TAF12: variants seen among roughly 807,000 people sequenced by gnomAD.
TAF12 encodes TATA-box binding protein associated factor 12.
Under a neutral mutation model 20.8 loss-of-function variants are expected in TAF12, and 3 were observed. The ratio of observed to expected loss-of-function variants is 0.14; its 90% CI spans 0.07 to 0.37. The LOEUF (loss-of-function observed/expected upper bound fraction) is 0.37. Ranked by LOEUF, TAF12 falls within the 10% of genes least tolerant of loss-of-function variation. The pLI is 1.00. For synonymous variants in TAF12, 69 were observed against 70.2 expected (o/e 0.98, Z 0.09); for missense variants, 131 against 197.9 (o/e 0.66, Z 2.03).
At chr1:28,610,978 A>C (rs1453982514) in intron 4 of TAF12, among the ~76,000 whole-genome samples, 1 of 92,610 alleles carries the variant, frequency 1.1e-5, no homozygotes. Context: ...AAAAAAAAAA[A>C]AAAAACACAG....
chr1:28,625,700 C>T (rs1338340963), intron 1 of TAF12, among the ~76,000 whole-genome samples: 1 of 152,088 alleles, frequency 6.6e-6, no homozygotes, highest in Admixed American at 6.6e-5. Context: ...CACCACCACG[C>T]CCAGCTATTT....
intron 3 of TAF12, among the ~76,000 whole-genome samples, chr1:28,617,742 C>T (rs772999581): frequency 6.6e-6 from 1 of 152,046 alleles, no homozygotes; most frequent in South Asian, 2.1e-4. Flanking sequence ...TGAGCCACCA[C>T]ACCTGGCACT....
chr1:28,619,224 T>C lies in TAF12; in HGVS notation c.169-1194A>G, dbSNP rs552106336. Reference sequence around the variant, plus strand: ...ACATCTACAAAATGGCTGGGTGCAGTGGCTCATGCCTGTAATCCCAGTACT... The same window carrying C: ...ACATCTACAAAATGGCTGGGTGCAGCGGCTCATGCCTGTAATCCCAGTACT... On this transcript the variant is annotated intron_variant, in intron 2 of 5. Transcript: ENST00000373824. Among the ~76,000 whole-genome samples, 3 of 151,630 alleles carry C rather than the reference T, an allele frequency of 2.0e-5. No homozygotes were observed. The South Asian group carries it at 6.3e-4, about 32-fold the overall frequency.
chr1:28,647,349 A>G (rs1437360619), upstream of TAF12, among the ~76,000 whole-genome samples: 6 of 151,888 alleles, frequency 4.0e-5, no homozygotes, highest in Admixed American at 2.6e-4. Flanking sequence ...GTGCAGTGGC[A>G]TGATTATGGC....
chr1:28,643,024 G>A lies in TAF12; in HGVS notation c.-117C>T. ...AGCGTCTATCTCCCCATGATATGCA[G>A]AGACTGCCCCAGTGAAGCGTTCGTC... On this transcript the variant is annotated 5_prime_UTR_variant, in exon 1 of 6. Coordinates refer to ENST00000373824, the MANE Select transcript of TAF12 (RefSeq NM_005644.4). 1 of 985,924 alleles carries A rather than the reference G, an allele frequency of 1.0e-6. No individual in the cohort carries two copies. Among genetic ancestry groups the A allele is most frequent in the Non-Finnish European group, 1.2e-6 (1 of 830,000 alleles). The allele number at this position is 985,924 out of a possible 1,614,324, so 61.1% of individuals were successfully genotyped here. A position where few individuals can be genotyped will look rare whatever the true frequency, so the allele number is the denominator to read the frequency against.
rs572584168 is a variant in TAF12 at position 28,627,858 on chromosome 1, A to C, written c.-84-5693T>G. ...ATTTCTTCCTATAAAAACTAAACGA[A>C]ACAAAAGCAGATGATAACCAGACAC... On this transcript the variant is annotated intron_variant, in intron 1 of 5. Transcript: ENST00000373824. 3.3e-3 allele frequency among the ~76,000 whole-genome samples: 497 copies of C among 152,092 alleles called. 1 individual carries two copies. The highest frequency in any genetic ancestry group is 0.011 in the African/African-American group (475 of 41,520).
intron 5 of TAF12, among the ~76,000 whole-genome samples, chr1:28,604,059 C>T (rs1557454435): frequency 6.6e-6 from 1 of 152,124 alleles, no homozygotes; most frequent in Non-Finnish European, 1.5e-5. Flanking sequence ...CACGTGCCAC[C>T]ACGCCTGGCT....
intron 1 of TAF12, among the ~76,000 whole-genome samples, chr1:28,630,711 T>A (rs183368089): frequency 6.6e-6 from 1 of 152,060 alleles, no homozygotes; most frequent in East Asian, 1.9e-4. Context: ...TAAAGTGGAC[T>A]TAATCAAAAT....
intron 1 of TAF12, among the ~76,000 whole-genome samples, chr1:28,639,669 T>C (rs1034403840): frequency 3.3e-5 from 5 of 152,098 alleles, no homozygotes; most frequent in African/African-American, 1.2e-4. Context: ...TGCTTTCCCT[T>C]ATAAGTTGGT....
rs780191312 is a variant in TAF12 at position 28,617,920 on chromosome 1, GACCAGTTTCTGGGGTACCCAACCCC to G, written c.246+8_246+32del. The G allele has an allele frequency of 6.2e-7, 1 of 1,604,506 alleles. No homozygotes were observed. Among genetic ancestry groups the G allele is most frequent in the South Asian group, 1.1e-5 (1 of 90,804 alleles). ...CCACTATGCTATACCGGTTCTCAGG[GACCAGTTTCTGGGGTACCCAACCCC>G]ACCTTACCTCCTCCACATCTTCATC... On this transcript the variant is annotated splice_region_variant and intron_variant, in intron 3 of 5. Coordinates refer to ENST00000373824, the MANE Select transcript of TAF12 (RefSeq NM_005644.4).
intron 1 of TAF12, among the ~76,000 whole-genome samples, chr1:28,634,054 G>C (rs1051814316): frequency 9.2e-5 from 14 of 151,986 alleles, no homozygotes; most frequent in African/African-American, 3.4e-4. Flanking sequence ...CTGCAACCCA[G>C]CCTGGATGAC....
chr1:28,647,427 A>G (rs1188327572), upstream of TAF12, among the ~76,000 whole-genome samples: 1 of 152,090 alleles, frequency 6.6e-6, no homozygotes, highest in Non-Finnish European at 1.5e-5. Flanking sequence ...AGCTGGGACC[A>G]CAGGCCCATG....
At chr1:28,618,972 C>T (rs1233148309) in intron 2 of TAF12, among the ~76,000 whole-genome samples, 1 of 151,888 alleles carries the variant, frequency 6.6e-6, no homozygotes, top group East Asian at 1.9e-4. Flanking sequence ...CACTTGAGGC[C>T]AGGAGTTAGA....
upstream of TAF12, among the ~76,000 whole-genome samples, chr1:28,647,359 C>T (rs996229627): frequency 2.0e-5 from 3 of 152,006 alleles, no homozygotes; most frequent in African/African-American, 7.2e-5. Context: ...ATGATTATGG[C>T]TCACTGTAGC....
chr1:28,606,421 G>C (rs1346575467), intron 4 of TAF12, among the ~76,000 whole-genome samples: 1 of 151,950 alleles, frequency 6.6e-6, no homozygotes, highest in East Asian at 1.9e-4. Flanking sequence ...TTACAGGCGT[G>C]AGCCACTGCG....
chr1:28,620,004 C>T (rs1667161683), intron 2 of TAF12, among the ~76,000 whole-genome samples: 1 of 151,354 alleles, frequency 6.6e-6, no homozygotes, highest in Non-Finnish European at 1.5e-5. Context: ...CACCAAAAGA[C>T]ATACACTAAA....
At position 28,603,275 on chromosome 1, in the gene TAF12, T is replaced by G. The variant is rs1205900524; in HGVS notation, c.*264A>C. 3.9e-6 allele frequency: 2 copies of G among 508,284 alleles called. No individual in the cohort carries two copies. Among genetic ancestry groups the G allele is most frequent in the Non-Finnish European group, 7.0e-6 (2 of 283,978 alleles). The allele number at this position is 508,284 out of a possible 1,614,324, so 31.5% of individuals were successfully genotyped here. Reference sequence around the variant, plus strand: ...GCTTTGTCCCATATTCAGTCACTTATATAATAAACCACAAATAAAATCTTC... The same window carrying G: ...GCTTTGTCCCATATTCAGTCACTTAGATAATAAACCACAAATAAAATCTTC... On this transcript the variant is annotated 3_prime_UTR_variant, in exon 6 of 6. Transcript: ENST00000373824.
intron 1 of TAF12, among the ~76,000 whole-genome samples, chr1:28,635,921 A>G (rs1046251043): frequency 6.6e-6 from 1 of 152,028 alleles, no homozygotes; most frequent in African/African-American, 2.4e-5. Flanking sequence ...GTAATTTATT[A>G]TTTAAGCAAA....
At chr1:28,639,039 T>C (rs938523867) in intron 1 of TAF12, among the ~76,000 whole-genome samples, 34 of 151,732 alleles carry the variant, frequency 2.2e-4, no homozygotes, top group African/African-American at 7.3e-4. Context: ...CCTCCCAAAG[T>C]GCTGGGATTA....
Sources: allele counts gnomAD v4.1 joint callset (sites outside exome capture counted in the v4.1 genomes callset), GRCh38; gene constraint gnomAD v4.1.1; transcripts MANE v1.5; gene names NCBI Gene and HGNC (gene_info 2026-07-23, HGNC 2026-07-21).